The following SYNPR variants were observed in gnomAD, a reference collection of about 807,000 sequenced individuals.
SYNPR encodes synaptoporin.
Under a neutral mutation model 32.9 loss-of-function variants are expected in SYNPR, and 23 were observed. The observed-to-expected ratio is 0.70, with a 90% CI of 0.50 to 0.99. SYNPR has a LOEUF of 0.99. SYNPR is among the 50% of genes least tolerant of loss of function. SYNPR has a pLI of 0.00. For synonymous variants in SYNPR, 146 were observed against 135.9 expected (o/e 1.07, Z -0.52); for missense variants, 318 against 349.3 (o/e 0.91, Z 0.71).
At chr3:63,230,636 T>G (rs2086159517) in intron 1 of SYNPR, among the ~76,000 whole-genome samples, 1 of 152,208 alleles carries the variant, frequency 6.6e-6, no homozygotes, top group South Asian at 2.1e-4. Flanking sequence ...AGCCAGCACT[T>G]GGACTTTGCC....
chr3:63,487,250 C>G (rs1186791689), intron 3 of SYNPR, among the ~76,000 whole-genome samples: 1 of 152,120 alleles, frequency 6.6e-6, no homozygotes, highest in Non-Finnish European at 1.5e-5. Context: ...ACTCTAGAGA[C>G]AGACTACATA....
intron 2 of SYNPR, among the ~76,000 whole-genome samples, chr3:63,267,038 T>C (rs932776180): frequency 2.0e-5 from 3 of 152,200 alleles, no homozygotes; most frequent in African/African-American, 7.2e-5. Flanking sequence ...TGGGATTTTC[T>C]TGGGTGCTTT....
At chr3:63,445,200 G>A (rs1700252596) in intron 2 of SYNPR, among the ~76,000 whole-genome samples, 1 of 152,180 alleles carries the variant, frequency 6.6e-6, no homozygotes, top group African/African-American at 2.4e-5. Flanking sequence ...AAGCTATTCA[G>A]TAATATAAAT....
chr3:63,272,053 A>G (rs2086540908), intron 3 of SYNPR, among the ~76,000 whole-genome samples: 1 of 152,204 alleles, frequency 6.6e-6, no homozygotes, highest in Non-Finnish European at 1.5e-5. Context: ...TTAAAAGTAT[A>G]TGTTGTCAGT....
chr3:63,507,161 A>G (rs1422938544), intron 3 of SYNPR, among the ~76,000 whole-genome samples: 1 of 152,096 alleles, frequency 6.6e-6, no homozygotes, highest in African/African-American at 2.4e-5. Context: ...AATAAAAAAA[A>G]AAAAGAAAAG....
chr3:63,603,704 A>C (rs1034217348), intron 4 of SYNPR, among the ~76,000 whole-genome samples: 2 of 152,204 alleles, frequency 1.3e-5, no homozygotes, highest in African/African-American at 4.8e-5. Flanking sequence ...CTGCTTGATC[A>C]TGGTGAATTA....
intron 2 of SYNPR, among the ~76,000 whole-genome samples, chr3:63,299,716 C>G (rs980308861): frequency 6.6e-6 from 1 of 152,094 alleles, no homozygotes; most frequent in Admixed American, 6.6e-5. Context: ...TGATATTAAC[C>G]AAATGACATT....
At chr3:63,434,012 G>T (rs1310440276) in intron 2 of SYNPR, among the ~76,000 whole-genome samples, 1 of 152,110 alleles carries the variant, frequency 6.6e-6, no homozygotes, top group Non-Finnish European at 1.5e-5. Flanking sequence ...AGAGTGGGGA[G>T]AGTGCTTTCA....
At chr3:63,443,347 A>G in intron 2 of SYNPR, 1 of 1,534,880 alleles carries the variant, frequency 6.5e-7, no homozygotes, top group South Asian at 1.2e-5. Context: ...AAAGAGGGAC[A>G]AGTGGCTGGT....
chr3:63,571,511 G>C (rs1408649292), intron 4 of SYNPR, among the ~76,000 whole-genome samples: 1 of 152,040 alleles, frequency 6.6e-6, no homozygotes, highest in East Asian at 1.9e-4. Context: ...GAAAACTAGA[G>C]ATTTACTCTT....
chr3:63,376,273 A>G (rs2087894660), intron 2 of SYNPR, among the ~76,000 whole-genome samples: 1 of 152,200 alleles, frequency 6.6e-6, no homozygotes, highest in South Asian at 2.1e-4. Flanking sequence ...TTCTCTACAC[A>G]TATGCAAGAA....
At chr3:63,528,348 T>C (rs1702053401) in intron 3 of SYNPR, among the ~76,000 whole-genome samples, 1 of 152,228 alleles carries the variant, frequency 6.6e-6, no homozygotes, top group Admixed American at 6.5e-5. Flanking sequence ...AACTCTGCAC[T>C]GTTAATATTC....
intron 1 of SYNPR, among the ~76,000 whole-genome samples, chr3:63,232,015 T>C (rs1376761824): frequency 1.3e-5 from 2 of 151,940 alleles, no homozygotes; most frequent in Non-Finnish European, 2.9e-5. Context: ...GTGATCAAGA[T>C]GAAAAGGCAG....
chr3:63,259,263 C>G (rs974490771), intron 2 of SYNPR, among the ~76,000 whole-genome samples: 4 of 151,960 alleles, frequency 2.6e-5, no homozygotes, highest in Non-Finnish European at 5.9e-5. Flanking sequence ...GGCAGAGACT[C>G]AACAAAAAAA....
chr3:63,455,653 TCAA>T (rs552881733), intron 2 of SYNPR, among the ~76,000 whole-genome samples: 22 of 151,830 alleles, frequency 1.4e-4, no homozygotes, highest in Non-Finnish European at 2.4e-4. Flanking sequence ...CAGAAATGGG[TCAA>T]CTTAGTTGAC....
intron 2 of SYNPR, among the ~76,000 whole-genome samples, chr3:63,402,475 A>T (rs1319683060): frequency 6.6e-6 from 1 of 152,238 alleles, no homozygotes; most frequent in Non-Finnish European, 1.5e-5. Flanking sequence ...CTGTGATGAC[A>T]AGAACCATAA....
In SYNPR at chr3:63,494,396, T is replaced by C. The variant is rs1391485336; in HGVS notation, c.209+13440T>C. Among the ~76,000 whole-genome samples the C allele has an allele frequency of 4.6e-4, 14 of 30,252 alleles. No homozygotes were observed. In the East Asian group the frequency reaches 0.013, roughly 28 times the overall value. The allele number at this position is 30,252 out of a possible 152,430, so 19.8% of individuals were successfully genotyped here. ...AGTAGGGTGGATATGTTAATTCTTATATATATATATATATATATATACGTA... is the reference window on the plus strand; with the variant it reads ...AGTAGGGTGGATATGTTAATTCTTACATATATATATATATATATATACGTA... On this transcript the variant is annotated intron_variant, in intron 3 of 5. Coordinates refer to ENST00000478300, the MANE Select transcript of SYNPR (RefSeq NM_001130003.2).
intron 5 of SYNPR, among the ~76,000 whole-genome samples, chr3:63,612,366 A>C (rs1247636289): frequency 6.6e-6 from 1 of 152,234 alleles, no homozygotes; most frequent in East Asian, 1.9e-4. Context: ...TAATGTTTTT[A>C]GTCTCTCAAT....
chr3:63,482,866 A>G (rs1701074856), intron 3 of SYNPR, among the ~76,000 whole-genome samples: 1 of 152,230 alleles, frequency 6.6e-6, no homozygotes, highest in African/African-American at 2.4e-5. Flanking sequence ...GTAATAAGCC[A>G]GGATTTATAC....
Sources: allele counts gnomAD v4.1 joint callset (sites outside exome capture counted in the v4.1 genomes callset), GRCh38; gene constraint gnomAD v4.1.1; transcripts MANE v1.5; gene names NCBI Gene and HGNC (gene_info 2026-07-23, HGNC 2026-07-21).